Variants in HAGH observed in about 807,000 individuals in gnomAD.
HAGH encodes hydroxyacylglutathione hydrolase, mitochondrial.
A neutral mutation model predicts 35.1 loss-of-function variants in HAGH; 29 were observed. The observed-to-expected ratio is 0.83, with a 90% CI of 0.62 to 1.13. The LOEUF (loss-of-function observed/expected upper bound fraction) is 1.13. Among genes scored for constraint, HAGH ranks in the 50% most tolerant of loss-of-function variants. HAGH has a pLI of 0.00. For synonymous variants in HAGH, 225 were observed against 176.1 expected (o/e 1.28, Z -2.20); for missense variants, 478 against 419.6 (o/e 1.14, Z -1.22).
chr16:1,824,829 G>T (rs1328691184), intron 1 of HAGH, among the ~76,000 whole-genome samples: 3 of 152,192 alleles, frequency 2.0e-5, no homozygotes, highest in African/African-American at 4.8e-5. Flanking sequence ...ATAATACCAA[G>T]ATTTCTATAT....
Position 1,809,892 on chromosome 16 carries a change from G to T in HAGH, c.748-59C>A, listed in dbSNP as rs375968267. ...CTTCACAGGATGGCAGACCAGGCAC[G>T]GAGGCTCACGTCTGTGATACCAGCA... On this transcript the variant is annotated intron_variant, in intron 7 of 8. Transcript: ENST00000397356. 2.5e-5 allele frequency: 32 copies of T among 1,273,478 alleles called. No individual in the cohort carries two copies. In the Admixed American group the frequency reaches 5.1e-4, roughly 20 times the overall value. The allele number at this position is 1,273,478 out of a possible 1,614,324, so 78.9% of individuals were successfully genotyped here.
At chr16:1,816,742 C>T (rs918339265) in intron 7 of HAGH, 151 bp downstream of exon 7, 5 of 628,006 alleles carry the variant, frequency 8.0e-6, no homozygotes, top group African/African-American at 1.8e-5. Context: ...CTGGGTTTGC[C>T]GTGCAGGGCG....
In HAGH at chr16:1,808,926, C is replaced by A. The variant is rs771221892; in HGVS notation, c.*357G>T. 9.9e-4 allele frequency: 236 copies of A among 237,900 alleles called. 2 individuals carry two copies. Among genetic ancestry groups the A allele is most frequent in the Non-Finnish European group, 1.3e-3 (157 of 122,012 alleles). 14.7% of individuals were successfully genotyped at this position (237,900 alleles called of 1,614,324 possible). On this transcript the variant is annotated 3_prime_UTR_variant, in exon 9 of 9. Coordinates refer to ENST00000397356, the MANE Select transcript of HAGH (RefSeq NM_005326.6). ...AAGCACAGGCTGCAAAGGTACCGAC[C>A]GCAGCAGTGGGCCTGACAGTCCCAT...
Position 1,809,233 on chromosome 16 carries a change from G to T in HAGH, c.*50C>A. 1 of 1,268,216 alleles carries T rather than the reference G, an allele frequency of 7.9e-7. No homozygotes were observed. Among genetic ancestry groups the T allele is most frequent in the Non-Finnish European group, 1.1e-6 (1 of 885,200 alleles). 78.6% of individuals were successfully genotyped at this position (1,268,216 alleles called of 1,614,324 possible). ...CCCGCACGGACCAGCAGGAAAGCCA[G>T]TTACCTAAAAGAGCCTAATCCCCAA... On this transcript the variant is annotated 3_prime_UTR_variant, in exon 9 of 9. Coordinates refer to ENST00000397356, the MANE Select transcript of HAGH (RefSeq NM_005326.6).
In HAGH at chr16:1,809,040, A is replaced by C; in HGVS notation, c.*243T>G. On this transcript the variant is annotated 3_prime_UTR_variant, in exon 9 of 9. Transcript: ENST00000397356. ...GGACTGCAGTGGCTCACGGAGGAGG[A>C]AGGAGGCCCGAGGGGACAAGCAGAG... The C allele has an allele frequency of 2.1e-6, 1 of 471,066 alleles. No individual in the cohort carries two copies. The highest frequency in any genetic ancestry group is 3.7e-5 in the South Asian group (1 of 27,112). The allele number at this position is 471,066 out of a possible 1,614,324, so 29.2% of individuals were successfully genotyped here. A position where few individuals can be genotyped will look rare whatever the true frequency, so the allele number is the denominator to read the frequency against.
chr16:1,821,994 C>A (rs1898173281), intron 3 of HAGH: 4 of 293,800 alleles, frequency 1.4e-5, no homozygotes, highest in Non-Finnish European at 2.6e-5. Context: ...AGACTCATTT[C>A]CTCCCCAACA....
chr16:1,823,261 GTCTTTTTTTTTT>G (rs1050778479), intron 1 of HAGH, among the ~76,000 whole-genome samples: 8 of 135,348 alleles, frequency 5.9e-5, no homozygotes, highest in East Asian at 2.3e-4. Flanking sequence ...GCAAGACCTT[GTCTTTTTTTTTT>G]TCTTTTTTTT....
rs114353102 is a variant in HAGH at position 1,819,123 on chromosome 16, A to G, written c.533T>C (p.Val178Ala). 6.0e-4 allele frequency: 957 copies of G among 1,604,550 alleles called. 6 individuals are homozygous for G. The African/African-American group carries it at 0.011, about 18-fold the overall frequency. Residue 178 changes from valine to alanine, a missense_variant, in exon 5 of 9, where the codon GTG becomes GCG. Transcript: ENST00000397356. ...CACACTCGAACACGCACCTGTGAAC[A>G]CGGCAGGGGGCTCCGAGCCTCCGGG... Reference protein sequence around the residue: ...SKPGGSEPPAVFTGDTLFVAG... With the variant: ...SKPGGSEPPAAFTGDTLFVAG...
intron 7 of HAGH, among the ~76,000 whole-genome samples, chr16:1,812,198 C>CA (rs763735556): frequency 0.75 from 83,436 of 110,512 alleles, 30,981 homozygotes; most frequent in Non-Finnish European, 0.78. Flanking sequence ...TCTCCCCAAC[C>CA]AAAAAAAAAA....
Position 1,821,122 on chromosome 16 carries a change from A to G in HAGH, c.315-1108T>C, listed in dbSNP as rs369713437. Among the ~76,000 whole-genome samples the G allele has an allele frequency of 1.6e-4, 24 of 152,238 alleles. No individual in the cohort carries two copies. The East Asian group carries it at 2.1e-3, about 13-fold the overall frequency. On this transcript the variant is annotated intron_variant, in intron 3 of 8. Coordinates refer to ENST00000397356, the MANE Select transcript of HAGH (RefSeq NM_005326.6). ...GCACGACAGGCAGGCCAACGTGCTG[A>G]GAGACAGCAGCTCAGCCACACAGGA...
intron 7 of HAGH, among the ~76,000 whole-genome samples, chr16:1,816,462 A>T (rs1897897897): frequency 6.6e-6 from 1 of 152,136 alleles, no homozygotes; most frequent in South Asian, 2.1e-4. Flanking sequence ...AATTCGGGGA[A>T]ACACACCCCT....
chr16:1,811,590 G>C (rs775993388), intron 7 of HAGH, among the ~76,000 whole-genome samples: 2 of 152,116 alleles, frequency 1.3e-5, no homozygotes, highest in African/African-American at 4.8e-5. Context: ...GCACATGTCT[G>C]TAATTCCAGC....
At chr16:1,812,773 C>T (rs1035270234) in intron 7 of HAGH, among the ~76,000 whole-genome samples, 1 of 152,168 alleles carries the variant, frequency 6.6e-6, no homozygotes, top group African/African-American at 2.4e-5. Context: ...AAAGATACTG[C>T]TAAGAAAACC....
intron 1 of HAGH, 101 bp downstream of exon 1, chr16:1,826,611 C>A (rs993148882): frequency 2.0e-6 from 2 of 980,838 alleles, no homozygotes; most frequent in African/African-American, 3.5e-5. Context: ...ACCTGCGCAA[C>A]AGACACCGCG....
At chr16:1,822,488 C>A in intron 2 of HAGH, 124 bp from the exon 3 acceptor site, 1 of 760,440 alleles carries the variant, frequency 1.3e-6, no homozygotes, top group Non-Finnish European at 2.3e-6. Context: ...ATGGCCCGTC[C>A]TGACCCTGCC....
Position 1,808,923 on chromosome 16 carries a change from G to C in HAGH, c.*360C>G, listed in dbSNP as rs954938563. On this transcript the variant is annotated 3_prime_UTR_variant, in exon 9 of 9. Coordinates refer to ENST00000397356, the MANE Select transcript of HAGH (RefSeq NM_005326.6). Reference sequence around the variant, plus strand: ...CACAAGCACAGGCTGCAAAGGTACCGACCGCAGCAGTGGGCCTGACAGTCC... The same window carrying C: ...CACAAGCACAGGCTGCAAAGGTACCCACCGCAGCAGTGGGCCTGACAGTCC... 4 of 231,230 alleles carry C rather than the reference G, an allele frequency of 1.7e-5. No individual in the cohort carries two copies. In the East Asian group the frequency reaches 3.8e-4, roughly 22 times the overall value. The allele number at this position is 231,230 out of a possible 1,614,324, so 14.3% of individuals were successfully genotyped here. A position where few individuals can be genotyped will look rare whatever the true frequency, so the allele number is the denominator to read the frequency against.
chr16:1,819,032 G>A (rs775546029), intron 5 of HAGH, 83 bp downstream of exon 5: 21 of 859,346 alleles, frequency 2.4e-5, no homozygotes, highest in Non-Finnish European at 3.7e-5. Flanking sequence ...AGAAGGCCAC[G>A]AAGCTGCCCC....
chr16:1,819,188 C>G lies in HAGH; in HGVS notation c.468G>C (p.Pro156=). The change falls in exon 5 of 9, where the codon CCG becomes CCC. Residue 156 remains proline, a synonymous_variant. Transcript: ENST00000397356. The stretch of plus-strand genomic sequence containing the variant: ...AACAAATGTGTCCTGAAGTGTGGCA[C>G]GGGGTCGCCAGGCACTTGACGTTCA... The part of the protein sequence containing the change: ...GSLNVKCLAT[P]CHTSGHICYF... 1 of 1,612,864 alleles carries G rather than the reference C, an allele frequency of 6.2e-7. No individual in the cohort carries two copies. The highest frequency in any genetic ancestry group is 8.5e-7 in the Non-Finnish European group (1 of 1,179,540).
At chr16:1,820,253 G>A (rs2142043760) in intron 3 of HAGH, among the ~76,000 whole-genome samples, 1 of 152,260 alleles carries the variant, frequency 6.6e-6, no homozygotes, top group Non-Finnish European at 1.5e-5. Context: ...TCTTTACAAA[G>A]CACCACCTGG....
Sources: gnomAD v4.1 joint callset for allele counts (sites outside exome capture counted in the v4.1 genomes callset) on GRCh38, gnomAD v4.1.1 for gene constraint, MANE v1.5 for transcripts, NCBI Gene and HGNC (gene_info 2026-07-23, HGNC 2026-07-21) for gene names.